PTPRN2: variants seen among roughly 807,000 people sequenced by gnomAD.
PTPRN2 encodes the protein protein tyrosine phosphatase receptor type N2.
A neutral mutation model predicts 118.8 loss-of-function variants in PTPRN2; 74 were observed. The observed-to-expected ratio is 0.62, with a 90% CI of 0.52 to 0.76. The LOEUF (loss-of-function observed/expected upper bound fraction) is 0.76. Ranked by LOEUF, PTPRN2 falls within the 30% of genes least tolerant of loss-of-function variation. PTPRN2 has a pLI of 0.00. For synonymous variants in PTPRN2, 641 were observed against 608.0 expected (o/e 1.05, Z -0.80); for missense variants, 1,481 against 1,394.4 (o/e 1.06, Z -0.99).
At position 157,764,272 on chromosome 7, in the gene PTPRN2, C is replaced by T. The variant is rs1444108255; in HGVS notation, c.1789-81335G>A. ...GAATGCAGTGACTCAGAGAGAGATT[C>T]GCACGCCCATGTTCATAGCAGCAGC... On this transcript the variant is annotated intron_variant, in intron 12 of 22. Coordinates refer to ENST00000389418, the MANE Select transcript of PTPRN2 (RefSeq NM_002847.5). The surrounding 1 kb of genome is among the most constrained non-coding windows in gnomAD (Gnocchi z 4.5). Among the ~76,000 whole-genome samples, 1 of 152,188 alleles carries T rather than the reference C, an allele frequency of 6.6e-6. No individual in the cohort carries two copies. The highest frequency in any genetic ancestry group is 1.5e-5 in the Non-Finnish European group (1 of 68,046).
intron 11 of PTPRN2, among the ~76,000 whole-genome samples, chr7:157,988,455 C>T (rs1362728294): frequency 6.6e-6 from 1 of 152,210 alleles, no homozygotes; most frequent in Non-Finnish European, 1.5e-5. Context: ...CTTGACATGG[C>T]CCCACAGGAG....
intron 12 of PTPRN2, among the ~76,000 whole-genome samples, chr7:157,708,754 C>T (rs928157186): frequency 9.2e-5 from 14 of 152,176 alleles, no homozygotes; most frequent in Non-Finnish European, 1.6e-4. Context: ...TAATGCTCTC[C>T]GTGAGACTTA....
intron 22 of PTPRN2, among the ~76,000 whole-genome samples, chr7:157,545,035 C>T (rs1007243666): frequency 2.3e-5 from 3 of 130,718 alleles, no homozygotes; most frequent in African/African-American, 9.0e-5. Flanking sequence ...ACTGTGTGTA[C>T]ACCTGTGGAG....
At chr7:158,412,203 A>G (rs572659724) in intron 2 of PTPRN2, among the ~76,000 whole-genome samples, 22 of 103,872 alleles carry the variant, frequency 2.1e-4, no homozygotes, top group African/African-American at 8.4e-4. Flanking sequence ...CACCCTCCTC[A>G]GCACCAGGGC....
At chr7:158,491,454 TTTTG>T (rs945215840) in intron 1 of PTPRN2, among the ~76,000 whole-genome samples, 8 of 152,142 alleles carry the variant, frequency 5.3e-5, no homozygotes, top group Non-Finnish European at 7.3e-5. Flanking sequence ...TTGGGGGAGT[TTTTG>T]TTTGTTTTGT....
chr7:158,134,027 G>T lies in PTPRN2; in HGVS notation c.1206C>A (p.Leu402=), dbSNP rs1289428880. Residue 402 remains leucine (L), a synonymous_variant, in exon 9 of 23, where the codon CTC becomes CTA. Transcript: ENST00000389418. ...AGAGTCGAGACCCGTGGTCCTGCAG[G>T]AGGCCCCCGAGTGTGGCACTCAGAC... ...VHRLSATLGG[L]LQDHGSRLLP... is the part of the protein sequence containing the mutation. 8.1e-6 allele frequency: 13 copies of T among 1,613,628 alleles called. No individual in the cohort carries two copies. The Admixed American group carries it at 1.5e-4, about 19-fold the overall frequency.
At chr7:158,416,723 A>T (rs1303165288) in intron 2 of PTPRN2, among the ~76,000 whole-genome samples, 1 of 152,240 alleles carries the variant, frequency 6.6e-6, no homozygotes, top group Non-Finnish European at 1.5e-5. Flanking sequence ...TAGACTGGCT[A>T]CCATGTGGGA....
rs1802332317 is a variant in PTPRN2, at chr7:157,611,462, C to G, written c.2345-7387G>C. Reference sequence around the variant, plus strand: ...GTGTGTGGGGGTTGCCGTGGCCAGGCAGCGCCCGCCCAGTCACTGAGCTGA... The same window carrying G: ...GTGTGTGGGGGTTGCCGTGGCCAGGGAGCGCCCGCCCAGTCACTGAGCTGA... On this transcript the variant is annotated intron_variant, in intron 15 of 22. Transcript: ENST00000389418. The surrounding 1 kb of genome is among the most constrained non-coding windows in gnomAD (Gnocchi z 5.9). Among the ~76,000 whole-genome samples the G allele has an allele frequency of 1.3e-5, 2 of 152,176 alleles. No homozygotes were observed. The highest frequency in any genetic ancestry group is 2.9e-5 in the Non-Finnish European group (2 of 68,036).
intron 2 of PTPRN2, among the ~76,000 whole-genome samples, chr7:158,340,271 G>T (rs1806414440): frequency 1.1e-5 from 1 of 93,356 alleles, no homozygotes; most frequent in Non-Finnish European, 2.4e-5. Context: ...GACACCTACA[G>T]ACATCACTCA....
At chr7:158,035,304 C>G (rs576401056) in intron 11 of PTPRN2, among the ~76,000 whole-genome samples, 1 of 152,236 alleles carries the variant, frequency 6.6e-6, no homozygotes, top group Non-Finnish European at 1.5e-5. Context: ...AGCACAGACC[C>G]TGCTCCCAGT....
In PTPRN2 at chr7:157,611,519, C is replaced by T. The variant is rs886582543; in HGVS notation, c.2345-7444G>A. The stretch of plus-strand genomic sequence containing the variant: ...GGCACCAGGTCCCAGGGTTGAGCTG[C>T]GTACCCTCCCCCAAAAAGACACACT... On this transcript the variant is annotated intron_variant, in intron 15 of 22. Transcript: ENST00000389418. The surrounding 1 kb of genome is among the most constrained non-coding windows in gnomAD (Gnocchi z 5.9). Among the ~76,000 whole-genome samples the T allele has an allele frequency of 2.0e-5, 3 of 152,132 alleles. No homozygotes were observed. Among genetic ancestry groups the T allele is most frequent in the Non-Finnish European group, 4.4e-5 (3 of 68,010 alleles).
intron 10 of PTPRN2, among the ~76,000 whole-genome samples, chr7:158,083,420 CTG>C (rs1309325396): frequency 1.3e-5 from 2 of 152,218 alleles, no homozygotes; most frequent in African/African-American, 4.8e-5. Context: ...ATCTGTGAAA[CTG>C]TAATCTCGAC....
At chr7:158,061,392 T>C (rs975741998) in intron 11 of PTPRN2, among the ~76,000 whole-genome samples, 1 of 152,202 alleles carries the variant, frequency 6.6e-6, no homozygotes, top group Admixed American at 6.5e-5. Flanking sequence ...AGACACCTGT[T>C]CCGAGGGAAT....
intron 11 of PTPRN2, among the ~76,000 whole-genome samples, chr7:158,052,578 T>C (rs1403175766): frequency 2.0e-5 from 3 of 151,312 alleles, no homozygotes; most frequent in African/African-American, 7.3e-5. Context: ...AGGGGCGCCC[T>C]TCGGACCTCC....
chr7:157,638,513 T>C (rs1804461928), intron 14 of PTPRN2, among the ~76,000 whole-genome samples: 1 of 152,236 alleles, frequency 6.6e-6, no homozygotes, highest in Non-Finnish European at 1.5e-5. Flanking sequence ...TGGTCACCAC[T>C]CCTCTTCCAA....
intron 22 of PTPRN2, 35 bp downstream of exon 22, chr7:157,548,911 A>G: frequency 6.3e-7 from 1 of 1,598,262 alleles, no homozygotes; most frequent in Non-Finnish European, 8.6e-7. Flanking sequence ...GGCACCTTGA[A>G]TGGGTCTGCG....
intron 17 of PTPRN2, among the ~76,000 whole-genome samples, chr7:157,579,446 A>G (rs1039667420): frequency 4.6e-5 from 7 of 152,212 alleles, no homozygotes; most frequent in African/African-American, 1.2e-4. Flanking sequence ...TCACATAACA[A>G]TTTAATGTGC....
At chr7:157,664,915 G>A (rs1157314457) in intron 13 of PTPRN2, among the ~76,000 whole-genome samples, 1 of 152,176 alleles carries the variant, frequency 6.6e-6, no homozygotes, top group African/African-American at 2.4e-5. Flanking sequence ...TATAATCCTC[G>A]GTAAACACAA....
chr7:157,634,355 A>G (rs1804166764), intron 14 of PTPRN2, among the ~76,000 whole-genome samples: 1 of 152,226 alleles, frequency 6.6e-6, no homozygotes, highest in Non-Finnish European at 1.5e-5. Flanking sequence ...CTTTTGTTAC[A>G]TGGGCAAGAC....
Sources: gnomAD v4.1 joint callset for allele counts (sites outside exome capture counted in the v4.1 genomes callset) on GRCh38, gnomAD v4.1.1 for gene constraint, Gnocchi (gnomAD v3.1) non-coding constraint, MANE v1.5 for transcripts, NCBI Gene and HGNC (gene_info 2026-07-23, HGNC 2026-07-21) for gene names.